Variants in KIF26B observed in about 807,000 individuals in gnomAD.
The protein encoded by KIF26B is kinesin-like protein KIF26B.
KIF26B carries 63 observed loss-of-function variants against 151.2 expected under a neutral mutation model. That is an observed-to-expected ratio of 0.42 (90% CI 0.34 to 0.51). The LOEUF is 0.51. Among genes scored for constraint, KIF26B ranks in the 20% least tolerant of loss-of-function variants. The pLI is 0.07. For missense variants in KIF26B, 2,813 were observed against 2,913.6 expected (o/e 0.97, Z 0.79); for synonymous variants, 1,357 against 1,262.1 (o/e 1.08, Z -1.59).
At chr1:245,468,129 G>A (rs1659835773) in intron 4 of KIF26B, among the ~76,000 whole-genome samples, 1 of 152,150 alleles carries the variant, frequency 6.6e-6, no homozygotes, top group African/African-American at 2.4e-5. Context: ...CTAATGATTT[G>A]GAATGATCAG....
rs139641480 is a variant in KIF26B, at chr1:245,463,836, A to G, written c.1166+44091A>G. ...GGGTGAATGTAGGATTTCATTGCGT[A>G]TAAACATTTCAGAGACAAGTCCCTT... is the stretch of plus-strand genomic sequence containing the variant. On this transcript the variant is annotated intron_variant, in intron 4 of 14. Coordinates refer to ENST00000407071, the MANE Select transcript of KIF26B (RefSeq NM_018012.4). Among the ~76,000 whole-genome samples, 998 of 152,344 alleles carry G rather than the reference A, an allele frequency of 6.6e-3. 10 individuals carry two copies. The highest frequency in any genetic ancestry group is 0.023 in the African/African-American group (952 of 41,582).
At chr1:245,640,121 T>TGCTC (rs1558247360) in intron 9 of KIF26B, among the ~76,000 whole-genome samples, 1 of 38,668 alleles carries the variant, frequency 2.6e-5, no homozygotes, top group Non-Finnish European at 4.9e-5. Flanking sequence ...TACTAATATT[T>TGCTC]GCTCTCTCTC....
At chr1:245,350,257 G>A (rs954961290) in intron 2 of KIF26B, among the ~76,000 whole-genome samples, 2 of 152,126 alleles carry the variant, frequency 1.3e-5, no homozygotes, top group Non-Finnish European at 2.9e-5. Context: ...TGAAGACACA[G>A]ATCTTGCCAT....
intron 4 of KIF26B, among the ~76,000 whole-genome samples, chr1:245,420,597 A>G (rs945780670): frequency 1.3e-5 from 2 of 152,290 alleles, no homozygotes; most frequent in African/African-American, 4.8e-5. Flanking sequence ...TAAACAGGAC[A>G]TAGAATAAAT....
rs1660338284 is a variant in KIF26B at position 245,488,854 on chromosome 1, CGA to C, written c.1167-51912_1167-51911del. Among the ~76,000 whole-genome samples the C allele has an allele frequency of 6.6e-6, 1 of 152,118 alleles. No homozygotes were observed. Among genetic ancestry groups the C allele is most frequent in the Non-Finnish European group, 1.5e-5 (1 of 68,028 alleles). ...CCTTAATAACAGAGGGACCAAGACT[CGA>C]TTCTTTATGCCTTAGGCTAGGTTTG... On this transcript the variant is annotated intron_variant, in intron 4 of 14. Transcript: ENST00000407071. The surrounding 1 kb of genome is among the most constrained non-coding windows in gnomAD (Gnocchi z 4.6).
chr1:245,312,929 A>T (rs1013414299), intron 2 of KIF26B, among the ~76,000 whole-genome samples: 1 of 152,180 alleles, frequency 6.6e-6, no homozygotes, highest in Non-Finnish European at 1.5e-5. Context: ...TGGGAGGCTG[A>T]GGCGGGCAGA....
chr1:245,273,326 G>A (rs10924143), intron 2 of KIF26B, among the ~76,000 whole-genome samples: 66,487 of 151,122 alleles, frequency 0.44, 15,093 homozygotes, highest in East Asian at 0.61. Context: ...GCTGAGGCCA[G>A]AGAATCGCTT....
chr1:245,510,278 C>A (rs1249335759), intron 4 of KIF26B, among the ~76,000 whole-genome samples: 6 of 152,154 alleles, frequency 3.9e-5, no homozygotes, highest in Non-Finnish European at 2.9e-5. Flanking sequence ...TGAGACTAGA[C>A]AATTTCACTT....
At chr1:245,422,490 A>G (rs1658512358) in intron 4 of KIF26B, among the ~76,000 whole-genome samples, 2 of 152,160 alleles carry the variant, frequency 1.3e-5, no homozygotes, top group African/African-American at 4.8e-5. Context: ...GATGTACCTG[A>G]CAGTTAGGTC....
At position 245,667,326 on chromosome 1, in the gene KIF26B, C is replaced by A. The variant is rs1461764965; in HGVS notation, c.2259-16907C>A. ...AAGTAGCTGGGACAACAGGCGTGTG[C>A]CACCATGCCCGGCTACTTTTTTAAA... is the stretch of plus-strand genomic sequence containing the variant. On this transcript the variant is annotated intron_variant, in intron 10 of 14. Transcript: ENST00000407071. This position sits in a 1 kb window ranked among gnomAD's most constrained non-coding sequence, Gnocchi z 4.3. Among the ~76,000 whole-genome samples the A allele has an allele frequency of 6.6e-6, 1 of 152,172 alleles. No homozygotes were observed. The highest frequency in any genetic ancestry group is 1.5e-5 in the Non-Finnish European group (1 of 68,034).
At chr1:245,449,898 A>G (rs1009708962) in intron 4 of KIF26B, among the ~76,000 whole-genome samples, 1 of 152,208 alleles carries the variant, frequency 6.6e-6, no homozygotes, top group Non-Finnish European at 1.5e-5. Context: ...ATCTTATGCA[A>G]TTATTGCCAA....
chr1:245,264,815 C>T lies in KIF26B; in HGVS notation c.466-102019C>T, dbSNP rs6687208. Among the ~76,000 whole-genome samples, 1,496 of 151,492 alleles carry T rather than the reference C, an allele frequency of 9.9e-3. 29 individuals are homozygous for T. Among genetic ancestry groups the T allele is most frequent in the African/African-American group, 0.034 (1,406 of 41,248 alleles). ...GGCTGACGTAGGAGAATGGTGTGAA[C>T]CCAGGAGGCAGAGTTTGCAGAGAGC... On this transcript the variant is annotated intron_variant, in intron 2 of 14. Coordinates refer to ENST00000407071, the MANE Select transcript of KIF26B (RefSeq NM_018012.4).
At chr1:245,656,873 G>C (rs780226226) in intron 10 of KIF26B, among the ~76,000 whole-genome samples, 1 of 151,502 alleles carries the variant, frequency 6.6e-6, no homozygotes, top group Non-Finnish European at 1.5e-5. Context: ...ATGTCTAATT[G>C]AACAATTTTT....
chr1:245,275,761 T>C (rs1204983483), intron 2 of KIF26B, among the ~76,000 whole-genome samples: 3 of 152,212 alleles, frequency 2.0e-5, no homozygotes, highest in African/African-American at 4.8e-5. Flanking sequence ...TATACTTTTA[T>C]ATGCTTTCAT....
Position 245,685,873 on chromosome 1 carries a change from C to T in KIF26B, c.2890C>T (p.Arg964Trp), listed in dbSNP as rs543752916. 105 of 1,612,876 alleles carry T rather than the reference C, an allele frequency of 6.5e-5. 1 individual carries two copies. Among genetic ancestry groups the T allele is most frequent in the African/African-American group, 6.3e-4 (47 of 75,046 alleles). The change falls in exon 12 of 15, where the codon CGG becomes TGG. Residue 964 changes from arginine (R) to tryptophan (W), a missense_variant. Transcript: ENST00000407071. ...FGPEQASRGP[R>W]LSQAAGASPL... is the part of the protein sequence containing the mutation. ...GCCAGAGCAGGCAAGCAGAGGCCCCCGGTTAAGCCAAGCAGCGGGGGCAAG... is the reference window on the plus strand; with the variant it reads ...GCCAGAGCAGGCAAGCAGAGGCCCCTGGTTAAGCCAAGCAGCGGGGGCAAG...
chr1:245,343,948 C>CG lies in KIF26B; in HGVS notation c.466-22879dup, dbSNP rs993949304. Among the ~76,000 whole-genome samples, 41 of 152,222 alleles carry CG rather than the reference C, an allele frequency of 2.7e-4. 1 individual carries two copies. Among genetic ancestry groups the CG allele is most frequent in the South Asian group, 8.3e-4 (4 of 4,816 alleles). On this transcript the variant is annotated intron_variant, in intron 2 of 14. Transcript: ENST00000407071. ...CATCCAGTCCTCTGTAGCTGCAATT[C>CG]GGGGGGGCCAAGGGCTTCCTTAGCA...
chr1:245,662,649 CATCCAATACATACATAT>C (rs1469644380), intron 10 of KIF26B, among the ~76,000 whole-genome samples: 5 of 40,314 alleles, frequency 1.2e-4, no homozygotes, highest in African/African-American at 6.8e-4. Context: ...CACACACACA[CATCCAATACATACATAT>C]ACCCAATGAT....
intron 4 of KIF26B, among the ~76,000 whole-genome samples, chr1:245,519,874 G>A (rs10924229): frequency 0.24 from 36,281 of 152,032 alleles, 5,241 homozygotes; most frequent in East Asian, 0.46. Flanking sequence ...TGACTGAAAC[G>A]TTATACGGTG....
rs1318253284 is a variant in KIF26B, at chr1:245,666,012, T to C, written c.2259-18221T>C. 2.7e-5 allele frequency among the ~76,000 whole-genome samples: 4 copies of C among 147,856 alleles called. No homozygotes were observed. In the East Asian group the frequency reaches 8.0e-4, roughly 30 times the overall value. On this transcript the variant is annotated intron_variant, in intron 10 of 14. Transcript: ENST00000407071. ...GAACATTATGTCCTTTTTTTTTTTT[T>C]TTTTTTTGAGACGGAGTCTCTCTCT...
Sources: gnomAD v4.1 joint callset for allele counts (sites outside exome capture counted in the v4.1 genomes callset) on GRCh38, gnomAD v4.1.1 for gene constraint, Gnocchi (gnomAD v3.1) non-coding constraint, MANE v1.5 for transcripts, NCBI Gene and HGNC (gene_info 2026-07-23, HGNC 2026-07-21) for gene names.